Variants in PLEKHA8 observed in about 807,000 individuals in gnomAD.
PLEKHA8 encodes pleckstrin homology domain-containing family A member 8.
PLEKHA8 carries 36 observed loss-of-function variants against 68.2 expected under a neutral mutation model. The ratio of observed to expected loss-of-function variants is 0.53; its 90% CI spans 0.40 to 0.70. PLEKHA8 has a LOEUF of 0.70. PLEKHA8 is among the 30% of genes least tolerant of loss of function. The pLI is 0.00. For synonymous variants in PLEKHA8, 211 were observed against 216.1 expected, an observed-to-expected ratio of 0.98 and a Z score of 0.20; for missense variants, 505 against 615.4, an observed-to-expected ratio of 0.82 and a Z score of 1.90.
At chr7:30,044,685 G>A (rs987600882) in intron 1 of PLEKHA8, among the ~76,000 whole-genome samples, 1 of 152,198 alleles carries the variant, frequency 6.6e-6, no homozygotes, top group African/African-American at 2.4e-5. Context: ...AGGCAAGCAT[G>A]TGATAACAGT....
chr7:30,032,721 AGTGAAGAAAGC>A (rs1366063655), intron 1 of PLEKHA8, among the ~76,000 whole-genome samples: 3 of 152,244 alleles, frequency 2.0e-5, no homozygotes, highest in African/African-American at 7.2e-5. Flanking sequence ...GGAATTCAGA[AGTGAAGAAAGC>A]TTTGACTGCC....
intron 12 of PLEKHA8, chr7:30,069,685 G>C (rs1324080101): frequency 1.3e-5 from 2 of 152,182 alleles, no homozygotes; most frequent in Non-Finnish European, 2.9e-5. Context: ...TGTTTACAGA[G>C]TAAACACCAG....
chr7:30,062,009 C>A lies in PLEKHA8; in HGVS notation c.1211C>A (p.Ala404Asp), dbSNP rs1793481604. The A allele has an allele frequency of 1.2e-6, 2 of 1,613,290 alleles. No homozygotes were observed. Among genetic ancestry groups the A allele is most frequent in the Non-Finnish European group, 1.7e-6 (2 of 1,179,682 alleles). ...VAQVRNSATE[A>D]LLWLKRGLKF... ...CAGGTTAGGAACTCAGCGACTGAAG[C>A]CCTCTTGTGGCTGAAGAGGTGAGGC... The change falls in exon 11 of 14, where the codon GCC (alanine) becomes GAC (aspartate). Residue 404 changes from alanine (A) to aspartate (D), a missense_variant. Coordinates refer to ENST00000449726, the MANE Select transcript of PLEKHA8 (RefSeq NM_001197026.2).
chr7:30,089,947 G>T (rs761494420), intron 12 of PLEKHA8, among the ~76,000 whole-genome samples: 1 of 152,204 alleles, frequency 6.6e-6, no homozygotes, highest in Non-Finnish European at 1.5e-5. Flanking sequence ...GGCTTGAAAT[G>T]ATGCAGTGAA....
rs75714651 is a variant in PLEKHA8, at chr7:30,052,640, C to CAAAAAAAA, written c.639-56_639-49dup. 284 of 1,066,868 alleles carry CAAAAAAAA rather than the reference C, an allele frequency of 2.7e-4. No homozygotes were observed. In the African/African-American group the frequency reaches 4.8e-3, roughly 18 times the overall value. 66.1% of individuals were successfully genotyped at this position (1,066,868 alleles called of 1,614,324 possible). A position where few individuals can be genotyped will look rare whatever the true frequency, so the allele number is the denominator to read the frequency against. ...GGGTGACAGAGTGGAGACCCTGTTT[C>CAAAAAAAA]AAAAAAAAAAAAAAAAAAAAGACCA... On this transcript the variant is annotated intron_variant, in intron 6 of 13. Coordinates refer to ENST00000449726, the MANE Select transcript of PLEKHA8 (RefSeq NM_001197026.2).
intron 13 of PLEKHA8, among the ~76,000 whole-genome samples, chr7:30,110,586 G>C (rs1796240412): frequency 6.6e-6 from 1 of 152,114 alleles, no homozygotes; most frequent in South Asian, 2.1e-4. Flanking sequence ...TTAACATTTT[G>C]AGGAACTTCC....
At chr7:30,096,234 C>G (rs1221407198) in intron 13 of PLEKHA8, among the ~76,000 whole-genome samples, 1 of 152,134 alleles carries the variant, frequency 6.6e-6, no homozygotes, top group African/African-American at 2.4e-5. Context: ...TTGAAGAGGT[C>G]CTTCACATCC....
intron 1 of PLEKHA8, among the ~76,000 whole-genome samples, chr7:30,039,470 A>G (rs933427918): frequency 6.6e-6 from 1 of 152,190 alleles, no homozygotes; most frequent in Admixed American, 6.5e-5. Flanking sequence ...AGCTGAGGTC[A>G]CGCTGTTGCA....
At chr7:30,099,396 G>T (rs1795761644) in intron 13 of PLEKHA8, among the ~76,000 whole-genome samples, 1 of 152,204 alleles carries the variant, frequency 6.6e-6, no homozygotes, top group Admixed American at 6.5e-5. Context: ...CTATAAAACA[G>T]AATGTAATGC....
chr7:30,057,672 G>A (rs912460390), intron 9 of PLEKHA8, among the ~76,000 whole-genome samples: 3 of 152,124 alleles, frequency 2.0e-5, no homozygotes, highest in African/African-American at 7.2e-5. Flanking sequence ...TGTTGGCCAG[G>A]CTGGTCTCAA....
At chr7:30,106,101 C>T (rs1304146306) in intron 13 of PLEKHA8, among the ~76,000 whole-genome samples, 1 of 148,832 alleles carries the variant, frequency 6.7e-6, no homozygotes, top group African/African-American at 2.5e-5. Flanking sequence ...CTCTGTTGCT[C>T]AGGCTGGAGT....
chr7:30,096,054 T>C (rs140321999), intron 13 of PLEKHA8, among the ~76,000 whole-genome samples: 2,665 of 152,286 alleles, frequency 0.018, 39 homozygotes, highest in South Asian at 0.033. Flanking sequence ...TTTTCCAATT[T>C]TGTGAAGAAA....
chr7:30,035,788 C>T (rs915680334), intron 1 of PLEKHA8, among the ~76,000 whole-genome samples: 2 of 151,894 alleles, frequency 1.3e-5, no homozygotes, highest in East Asian at 3.9e-4. Context: ...GGATTACAGG[C>T]GCCTGCCACC....
downstream of PLEKHA8, chr7:30,130,304 C>T (rs1443205729): frequency 6.6e-6 from 1 of 152,134 alleles, no homozygotes; most frequent in Non-Finnish European, 1.5e-5. Flanking sequence ...TTAGCACCAC[C>T]GCTGAGATTT....
downstream of PLEKHA8, among the ~76,000 whole-genome samples, chr7:30,093,495 C>A (rs182635546): frequency 6.6e-6 from 1 of 152,178 alleles, no homozygotes; most frequent in Non-Finnish European, 1.5e-5. Context: ...TAAGACAGAG[C>A]GGAGGCTGGA....
intron 1 of PLEKHA8, among the ~76,000 whole-genome samples, chr7:30,034,437 C>T (rs966362869): frequency 2.0e-5 from 3 of 152,128 alleles, no homozygotes; most frequent in African/African-American, 4.8e-5. Context: ...ACTTTCGATT[C>T]CCCCAAAATC....
chr7:30,042,729 CTG>C (rs1004446270), intron 1 of PLEKHA8, among the ~76,000 whole-genome samples: 7 of 152,190 alleles, frequency 4.6e-5, no homozygotes, highest in African/African-American at 1.7e-4. Flanking sequence ...GCTGGTTGGA[CTG>C]TGTGATTTCA....
At position 30,081,353 on chromosome 7, in the gene PLEKHA8, C is replaced by A; in HGVS notation, c.*2566C>A. ...AAGTTTGCTTAAGGAACTGAGGATCCTTAAATAAAAATATTAGAAATTAGA... is the reference window on the plus strand; with the variant it reads ...AAGTTTGCTTAAGGAACTGAGGATCATTAAATAAAAATATTAGAAATTAGA... On this transcript the variant is annotated 3_prime_UTR_variant, in exon 14 of 14. Transcript: ENST00000449726. 2.0e-6 allele frequency: 2 copies of A among 983,702 alleles called. No homozygotes were observed. Among genetic ancestry groups the A allele is most frequent in the Non-Finnish European group, 2.4e-6 (2 of 828,510 alleles). The allele number at this position is 983,702 out of a possible 1,614,324, so 60.9% of individuals were successfully genotyped here.
At chr7:30,120,170 C>CAA (rs200775029) in intron 13 of PLEKHA8, among the ~76,000 whole-genome samples, 95 of 130,902 alleles carry the variant, frequency 7.3e-4, no homozygotes, top group Middle Eastern at 3.8e-3. Flanking sequence ...AAAAAAAAAA[C>CAA]AAAAAAAAAA....
Sources: gnomAD v4.1 joint callset for allele counts (sites outside exome capture counted in the v4.1 genomes callset) on GRCh38, gnomAD v4.1.1 for gene constraint, MANE v1.5 for transcripts, NCBI Gene and HGNC (gene_info 2026-07-23, HGNC 2026-07-21) for gene names.